Variants in ERC1 observed in about 807,000 individuals in gnomAD.
ERC1 encodes the protein RAB6 interacting protein 2.
Under a neutral mutation model 132.0 loss-of-function variants are expected in ERC1, and 56 were observed. The observed-to-expected ratio is 0.42, with a 90% confidence interval of 0.34 to 0.53. The LOEUF (loss-of-function observed/expected upper bound fraction) is 0.53, where lower values mean the gene tolerates loss of function less well. ERC1 is among the 20% of genes least tolerant of loss of function. ERC1 has a pLI of 0.03. For missense variants in ERC1, 1,202 were observed against 1,349.9 expected, an observed-to-expected ratio of 0.89 and a Z score of 1.72; for synonymous variants, 478 against 476.1, an observed-to-expected ratio of 1.00 and a Z score of -0.05.
chr12:1,233,492 A>G (rs888803169), intron 12 of ERC1, among the ~76,000 whole-genome samples: 2 of 151,088 alleles, frequency 1.3e-5, no homozygotes, highest in East Asian at 2.0e-4. Context: ...AAAAAAAAAA[A>G]AGAGTAAGAA....
At chr12:1,423,871 TTATC>T (rs2092519590) in intron 17 of ERC1, among the ~76,000 whole-genome samples, 1 of 152,220 alleles carries the variant, frequency 6.6e-6, no homozygotes, top group Non-Finnish European at 1.5e-5. Flanking sequence ...GAAATCTACT[TTATC>T]TGTCTTAAAT....
In ERC1 at chr12:1,466,384, G is replaced by A. The variant is rs545006073; in HGVS notation, c.3213+21634G>A. Among the ~76,000 whole-genome samples the A allele has an allele frequency of 7.9e-5, 12 of 152,130 alleles. 1 individual carries two copies. In the South Asian group the frequency reaches 2.3e-3, roughly 29 times the overall value. ...CTGCCTGCCTCATTTTAACTTAATC[G>A]CCTCTTTAAAGGCCCTGTCTCCAAA... On this transcript the variant is annotated intron_variant, in intron 18 of 18. Transcript: ENST00000360905.
intron 15 of ERC1, among the ~76,000 whole-genome samples, chr12:1,307,209 C>T (rs1204513503): frequency 6.6e-6 from 1 of 152,104 alleles, no homozygotes; most frequent in South Asian, 2.1e-4. Context: ...TAATTTTGGA[C>T]CAATAAGTAA....
chr12:1,485,350 G>A (rs1028975911), intron 18 of ERC1, among the ~76,000 whole-genome samples: 4 of 151,466 alleles, frequency 2.6e-5, no homozygotes, highest in East Asian at 1.9e-4. Flanking sequence ...GATTATAGGC[G>A]CCCGCCACCA....
In ERC1 at chr12:991,265, TGGC is replaced by T. The variant is rs1224491969; in HGVS notation, c.-202_-200del. ...GCTGTGGCGGCGGCGGCGGCGGTAG[TGGC>T]GGCGGCGGCGGTGCCTGGGCGGCAG... On this transcript the variant is annotated 5_prime_UTR_variant, in exon 1 of 19. Transcript: ENST00000360905. 1.5e-4 allele frequency: 25 copies of T among 164,284 alleles called. No individual in the cohort carries two copies. The highest frequency in any genetic ancestry group is 2.0e-4 in the African/African-American group (8 of 40,978). 10.2% of individuals were successfully genotyped at this position (164,284 alleles called of 1,614,324 possible).
intron 15 of ERC1, among the ~76,000 whole-genome samples, chr12:1,348,762 C>A (rs2084724279): frequency 6.6e-6 from 1 of 152,094 alleles, no homozygotes; most frequent in African/African-American, 2.4e-5. Context: ...CTTACAAAGA[C>A]CTGTGTCTCT....
At chr12:1,355,081 C>T (rs878978247) in intron 15 of ERC1, among the ~76,000 whole-genome samples, 3 of 152,070 alleles carry the variant, frequency 2.0e-5, no homozygotes, top group East Asian at 3.9e-4. Context: ...AGGGTTGGAA[C>T]TTTTTCAGGG....
intron 2 of ERC1, among the ~76,000 whole-genome samples, chr12:1,040,055 C>T (rs1969914172): frequency 6.6e-6 from 1 of 152,104 alleles, no homozygotes; most frequent in South Asian, 2.1e-4. Flanking sequence ...CAAACTTCTA[C>T]TATTAGATGT....
Position 1,494,787 on chromosome 12 carries a change from A to C in ERC1, c.*4557A>C, listed in dbSNP as rs201394561. The C allele has an allele frequency of 2.2e-5, 5 of 230,666 alleles. No individual in the cohort carries two copies. The East Asian group carries it at 3.1e-4, about 14-fold the overall frequency. The allele number at this position is 230,666 out of a possible 1,614,324, so 14.3% of individuals were successfully genotyped here. On this transcript the variant is annotated 3_prime_UTR_variant, in exon 19 of 19. Transcript: ENST00000360905. The stretch of plus-strand genomic sequence containing the variant: ...CTGTTGTTGAGATTATTAAAAGATT[A>C]AAACGTAGTTGTAGAAATGAAAAAT...
chr12:1,081,407 T>C (rs1942176881), intron 2 of ERC1, among the ~76,000 whole-genome samples: 1 of 152,240 alleles, frequency 6.6e-6, no homozygotes, highest in Non-Finnish European at 1.5e-5. Flanking sequence ...AACTTTGCTA[T>C]ATTATTATCT....
chr12:1,004,445 C>T (rs1963112121), intron 1 of ERC1, among the ~76,000 whole-genome samples: 2 of 128,432 alleles, frequency 1.6e-5, no homozygotes, highest in Middle Eastern at 6.4e-3. Flanking sequence ...CTTGCCCTCT[C>T]GCCCAGGCTG....
At chr12:1,039,567 G>A (rs569331825) in intron 2 of ERC1, among the ~76,000 whole-genome samples, 4 of 151,770 alleles carry the variant, frequency 2.6e-5, no homozygotes, top group South Asian at 2.1e-4. Context: ...GGATATAGAC[G>A]GCAAGAGAGA....
intron 15 of ERC1, among the ~76,000 whole-genome samples, chr12:1,357,918 A>G (rs1448481785): frequency 6.6e-6 from 1 of 152,236 alleles, no homozygotes. Context: ...AGATTTTGAT[A>G]GGATTTGAGT....
In ERC1 at chr12:1,393,865, A is replaced by C. The variant is rs151099887; in HGVS notation, c.2926-14284A>C. Among the ~76,000 whole-genome samples, 973 of 150,878 alleles carry C rather than the reference A, an allele frequency of 6.4e-3. 9 individuals carry two copies. Among genetic ancestry groups the C allele is most frequent in the African/African-American group, 0.022 (924 of 41,130 alleles). ...CCCGTCTCTACTAAAACGACAAAAA[A>C]ATTAGCCAAGTGTGGTGGCGGGCGC... is the stretch of plus-strand genomic sequence containing the variant. On this transcript the variant is annotated intron_variant, in intron 16 of 18. Coordinates refer to ENST00000360905, the MANE Select transcript of ERC1 (RefSeq NM_178040.4).
intron 15 of ERC1, among the ~76,000 whole-genome samples, chr12:1,291,204 T>A (rs889782731): frequency 6.6e-6 from 1 of 152,208 alleles, no homozygotes; most frequent in Non-Finnish European, 1.5e-5. Flanking sequence ...TGGGCTATAG[T>A]GCAAGGCTAC....
intron 18 of ERC1, among the ~76,000 whole-genome samples, chr12:1,485,916 A>T (rs2094208162): frequency 6.6e-6 from 1 of 152,244 alleles, no homozygotes; most frequent in Non-Finnish European, 1.5e-5. Flanking sequence ...TTCACAGCAT[A>T]GGTTTTAAAT....
At chr12:1,325,825 C>A (rs185449552) in intron 15 of ERC1, among the ~76,000 whole-genome samples, 1 of 152,018 alleles carries the variant, frequency 6.6e-6, no homozygotes, top group African/African-American at 2.4e-5. Flanking sequence ...AAGATATGCA[C>A]CCGTTTGTCT....
At chr12:1,161,993 T>C (rs924246657) in intron 8 of ERC1, among the ~76,000 whole-genome samples, 13 of 152,248 alleles carry the variant, frequency 8.5e-5, no homozygotes, top group Non-Finnish European at 1.5e-4. Context: ...CTGAGCACAA[T>C]GGCAGTTATG....
Position 1,371,949 on chromosome 12 carries a change from A to G in ERC1, c.2897A>G (p.Asp966Gly). 1 of 1,614,050 alleles carries G rather than the reference A, an allele frequency of 6.2e-7. No homozygotes were observed. The highest frequency in any genetic ancestry group is 8.5e-7 in the Non-Finnish European group (1 of 1,180,040). Residue 966 changes from aspartate to glycine, a missense_variant, in exon 16 of 19, where the codon GAT (aspartate) becomes GGT (glycine). Coordinates refer to ENST00000360905, the MANE Select transcript of ERC1 (RefSeq NM_178040.4). ...EEVAALKREK[D>G]RLVQQLKQQT... ...GTGGCTGCCCTGAAGCGGGAGAAGGATCGTCTGGTACAGCAGCTTAAGCAG... is the reference window on the plus strand; with the variant it reads ...GTGGCTGCCCTGAAGCGGGAGAAGGGTCGTCTGGTACAGCAGCTTAAGCAG...
Sources: allele counts gnomAD v4.1 joint callset (sites outside exome capture counted in the v4.1 genomes callset), GRCh38; gene constraint gnomAD v4.1.1; transcripts MANE v1.5; gene names NCBI Gene and HGNC (gene_info 2026-07-23, HGNC 2026-07-21).